FSIP2: variants seen among roughly 807,000 people sequenced by gnomAD.
FSIP2 encodes fibrous sheath interacting protein 2.
Under a neutral mutation model 510.5 loss-of-function variants are expected in FSIP2, and 367 were observed. The ratio of observed to expected loss-of-function variants is 0.72; its 90% CI spans 0.66 to 0.78. The LOEUF (loss-of-function observed/expected upper bound fraction) is 0.78. FSIP2 is among the 30% of genes least tolerant of loss of function. The pLI, the probability that FSIP2 is intolerant of heterozygous loss-of-function variation, is 0.00. For missense variants in FSIP2, 7,594 were observed against 7,901.7 expected, an observed-to-expected ratio of 0.96 and a Z score of 1.48; for synonymous variants, 2,601 against 2,732.2, an observed-to-expected ratio of 0.95 and a Z score of 1.50.
intron 19 of FSIP2, among the ~76,000 whole-genome samples, chr2:185,821,532 G>A (rs1180285583): frequency 1.3e-5 from 2 of 151,764 alleles, no homozygotes; most frequent in African/African-American, 4.8e-5. Flanking sequence ...CCTTCAACAA[G>A]ATATTAGCTA....
chr2:185,814,134 T>A (rs1380276351), intron 18 of FSIP2, 92 bp downstream of exon 18: 54 of 1,261,154 alleles, frequency 4.3e-5, no homozygotes, highest in Non-Finnish European at 5.5e-5. Flanking sequence ...CAGAAAAGAA[T>A]GCTAAAATGA....
At chr2:185,739,072 A>T in intron 1 of FSIP2, 79 bp downstream of exon 1, 2 of 1,432,452 alleles carry the variant, frequency 1.4e-6, no homozygotes, top group East Asian at 5.0e-5. Context: ...ATCGCCACAC[A>T]CGGGTCGCGA....
At chr2:185,759,645 A>G (rs1253841654) in intron 9 of FSIP2, among the ~76,000 whole-genome samples, 1 of 146,066 alleles carries the variant, frequency 6.8e-6, no homozygotes, top group Non-Finnish European at 1.5e-5. Flanking sequence ...ATATTGTTAT[A>G]TATTATATAT....
intron 17 of FSIP2, among the ~76,000 whole-genome samples, chr2:185,812,456 A>G (rs748956082): frequency 6.6e-6 from 1 of 152,078 alleles, no homozygotes; most frequent in Non-Finnish European, 1.5e-5. Context: ...AGAAGCAGAC[A>G]TGTGGAACTC....
At position 185,801,207 on chromosome 2, in the gene FSIP2, T is replaced by C; in HGVS notation, c.11901T>C (p.Tyr3967=). The change falls in exon 17 of 23, where the codon TAT becomes TAC. Residue 3967 remains tyrosine, a synonymous_variant. Coordinates refer to ENST00000424728, the MANE Select transcript of FSIP2 (RefSeq NM_173651.4). ...ATAAGCTACATCAGGAAGGTATATA[T>C]GCTGGTGTTTATTCAGCCACATTTT... is the stretch of plus-strand genomic sequence containing the variant. The part of the protein sequence containing the change: ...IHNKLHQEGI[Y]AGVYSATFLE... 1 of 1,534,280 alleles carries C rather than the reference T, an allele frequency of 6.5e-7. No individual in the cohort carries two copies. The highest frequency in any genetic ancestry group is 8.7e-7 in the Non-Finnish European group (1 of 1,145,594).
At chr2:185,833,054 TA>T in intron 22 of FSIP2, 35 bp from the exon 23 acceptor site, 1 of 1,601,514 alleles carries the variant, frequency 6.2e-7, no homozygotes. Context: ...TGTTCAAAAA[TA>T]AAGATATCAT....
At chr2:185,753,891 A>G (rs773676029) in intron 8 of FSIP2, 49 bp downstream of exon 8, 4 of 1,301,274 alleles carry the variant, frequency 3.1e-6, no homozygotes, top group South Asian at 1.8e-5. Flanking sequence ...GAAAATGATT[A>G]TCTATGTAAA....
intron 7 of FSIP2, among the ~76,000 whole-genome samples, chr2:185,750,273 C>T (rs1692115895): frequency 6.6e-6 from 1 of 151,412 alleles, no homozygotes; most frequent in African/African-American, 2.4e-5. Flanking sequence ...TCAGTGAAGA[C>T]ATTTGGGTAT....
In FSIP2 at chr2:185,756,107, TG is replaced by T. The variant is rs1692241413; in HGVS notation, c.992-82del. The T allele has an allele frequency of 1.7e-5, 8 of 483,918 alleles. No individual in the cohort carries two copies. The East Asian group carries it at 2.5e-4, about 15-fold the overall frequency. 30.0% of individuals were successfully genotyped at this position (483,918 alleles called of 1,614,324 possible). A position where few individuals can be genotyped will look rare whatever the true frequency, so the allele number is the denominator to read the frequency against. Reference sequence around the variant, plus strand: ...GATTAGCATATAGTTCAGCTCCTCTTGGGCATAAAAGGATAAGTAGTCTATC... The same window carrying T: ...GATTAGCATATAGTTCAGCTCCTCTTGGCATAAAAGGATAAGTAGTCTATC... On this transcript the variant is annotated intron_variant, in intron 8 of 22. Coordinates refer to ENST00000424728, the MANE Select transcript of FSIP2 (RefSeq NM_173651.4).
chr2:185,744,227 A>T (rs965450536), intron 3 of FSIP2, 95 bp from the exon 4 acceptor site: 4 of 238,592 alleles, frequency 1.7e-5, no homozygotes, highest in African/African-American at 9.0e-5. Context: ...TTTTTAAATC[A>T]ATTTAATGAT....
chr2:185,806,653 C>T lies in FSIP2; in HGVS notation c.17347C>T (p.Pro5783Ser). ...NQRESKPGIF[P>S]AKFLEDVITE... ...ACGAGAAAGTAAACCTGGAATTTTT[C>T]CCGCTAAGTTTTTAGAAGATGTTAT... The change falls in exon 17 of 23, where the codon CCC (proline) becomes TCC (serine). Residue 5783 changes from proline (P) to serine (S), a missense_variant. Coordinates refer to ENST00000424728, the MANE Select transcript of FSIP2 (RefSeq NM_173651.4). 1 of 1,603,478 alleles carries T rather than the reference C, an allele frequency of 6.2e-7. No individual in the cohort carries two copies.
chr2:185,789,392 C>G lies in FSIP2; in HGVS notation c.2256C>G (p.Pro752=), dbSNP rs1162208376. Residue 752 remains proline (P), a synonymous_variant, in exon 16 of 23, where the codon CCC becomes CCG. Coordinates refer to ENST00000424728, the MANE Select transcript of FSIP2 (RefSeq NM_173651.4). ...TCTTGCTTTCCAATGCTCATATTCC[C>G]TCAGTTGCTTCTGAGATTGTGGAAA... ...KEILLSNAHI[P]SVASEIVENM... 1.8e-5 allele frequency: 27 copies of G among 1,534,820 alleles called. No individual in the cohort carries two copies. The highest frequency in any genetic ancestry group is 2.2e-5 in the Non-Finnish European group (25 of 1,145,964).
chr2:185,748,054 A>G (rs1692069632), intron 7 of FSIP2, among the ~76,000 whole-genome samples: 1 of 152,038 alleles, frequency 6.6e-6, no homozygotes, highest in African/African-American at 2.4e-5. Flanking sequence ...TAGGTAGGTT[A>G]TTGTTAACAA....
Position 185,761,097 on chromosome 2 carries a change from T to A in FSIP2, c.1188T>A (p.Asn396Lys). ...YQADVQDNGI[N>K]QKRDGMVSKN... ...CAGATGTACAGGATAATGGTATAAA[T>A]CAAAAGGTATACAATTATGCTTTAA... is the stretch of plus-strand genomic sequence containing the variant. Residue 396 changes from asparagine to lysine, a missense_variant, in exon 10 of 23, where the codon AAT becomes AAA. Transcript: ENST00000424728. 1 of 1,273,004 alleles carries A rather than the reference T, an allele frequency of 7.9e-7. No homozygotes were observed. Among genetic ancestry groups the A allele is most frequent in the Non-Finnish European group, 1.1e-6 (1 of 929,620 alleles). 78.9% of individuals were successfully genotyped at this position (1,273,004 alleles called of 1,614,324 possible).
In FSIP2 at chr2:185,806,142, T is replaced by G. The variant is rs747591337; in HGVS notation, c.16836T>G (p.Ile5612Met). Reference protein sequence around the residue: ...SDSEIGYKKKIDNARESSFKK... With the variant: ...SDSEIGYKKKMDNARESSFKK... The stretch of plus-strand genomic sequence containing the variant: ...CTGAAATAGGCTATAAAAAGAAGAT[T>G]GACAATGCAAGGGAAAGCTCATTTA... The change falls in exon 17 of 23, where the codon ATT (isoleucine) becomes ATG (methionine). Residue 5612 changes from isoleucine (I) to methionine (M), a missense_variant. Coordinates refer to ENST00000424728, the MANE Select transcript of FSIP2 (RefSeq NM_173651.4). The G allele has an allele frequency of 6.3e-7, 1 of 1,575,902 alleles. No individual in the cohort carries two copies. Among genetic ancestry groups the G allele is most frequent in the African/African-American group, 1.4e-5 (1 of 72,640 alleles).
Position 185,802,272 on chromosome 2 carries a change from C to T in FSIP2, c.12966C>T (p.Ser4322=). The T allele has an allele frequency of 6.5e-7, 1 of 1,533,684 alleles. No individual in the cohort carries two copies. Among genetic ancestry groups the T allele is most frequent in the Non-Finnish European group, 8.7e-7 (1 of 1,145,252 alleles). The change falls in exon 17 of 23, where the codon AGC becomes AGT. Residue 4322 remains serine (S), a synonymous_variant. Coordinates refer to ENST00000424728, the MANE Select transcript of FSIP2 (RefSeq NM_173651.4). The part of the protein sequence containing the change: ...IVARLLSKIF[S]PKHNTEIELK... ...CCAGACTTTTGTCAAAGATTTTCAGCCCAAAGCATAACACTGAAATTGAGT... is the reference window on the plus strand; with the variant it reads ...CCAGACTTTTGTCAAAGATTTTCAGTCCAAAGCATAACACTGAAATTGAGT...
chr2:185,764,071 A>AAAGG (rs1553495044), intron 12 of FSIP2, among the ~76,000 whole-genome samples: 1 of 137,172 alleles, frequency 7.3e-6, no homozygotes, highest in East Asian at 2.1e-4. Flanking sequence ...AAAATATTAT[A>AAAGG]AAGGCTATGC....
At chr2:185,767,866 T>A (rs189406221) in intron 13 of FSIP2, among the ~76,000 whole-genome samples, 78 of 152,258 alleles carry the variant, frequency 5.1e-4, no homozygotes, top group African/African-American at 1.8e-3. Context: ...CGAAAACATA[T>A]GATTTCATTT....
chr2:185,808,436 A>G lies in FSIP2; in HGVS notation c.19130A>G (p.Glu6377Gly). ...SKDEKNLSKT[E>G]LNKIASQLSK... ...GATGAAAAAAACTTATCAAAGACTG[A>G]GTTAAATAAAATTGCATCTCAACTG... Residue 6377 changes from glutamate (E) to glycine (G), a missense_variant, in exon 17 of 23, where the codon GAG (glutamate) becomes GGG (glycine). Coordinates refer to ENST00000424728, the MANE Select transcript of FSIP2 (RefSeq NM_173651.4). The G allele has an allele frequency of 1.2e-6, 2 of 1,606,012 alleles. No individual in the cohort carries two copies. The highest frequency in any genetic ancestry group is 1.7e-6 in the Non-Finnish European group (2 of 1,177,708).
Sources: gnomAD v4.1 joint callset for allele counts (sites outside exome capture counted in the v4.1 genomes callset) on GRCh38, gnomAD v4.1.1 for gene constraint, MANE v1.5 for transcripts, NCBI Gene and HGNC (gene_info 2026-07-23, HGNC 2026-07-21) for gene names.